ERCC6: variants seen among roughly 807,000 people sequenced by gnomAD.
ERCC6 encodes the protein ERCC excision repair 6, chromatin remodeling factor, also known as DNA excision repair protein ERCC-6.
Under a neutral mutation model 158.7 loss-of-function variants are expected in ERCC6, and 116 were observed. That is an observed-to-expected ratio of 0.73 (90% CI 0.63 to 0.85). The LOEUF is 0.85. Ranked by LOEUF, ERCC6 falls within the 40% of genes least tolerant of loss-of-function variation. The pLI is 0.00. For missense variants in ERCC6, 1,698 were observed against 1,799.4 expected, an observed-to-expected ratio of 0.94 and a Z score of 1.02; for synonymous variants, 678 against 659.3, an observed-to-expected ratio of 1.03 and a Z score of -0.43.
intron 1 of ERCC6, among the ~76,000 whole-genome samples, chr10:49,536,742 T>A (rs748393292): frequency 5.9e-5 from 9 of 151,908 alleles, no homozygotes; most frequent in Non-Finnish European, 1.3e-4. Flanking sequence ...GGCTGAACAA[T>A]CTCCTCCTTC....
At chr10:49,500,717 A>G (rs1851342385) in intron 6 of ERCC6, 21 bp from the exon 7 acceptor site, 1 of 1,612,656 alleles carries the variant, frequency 6.2e-7, no homozygotes, top group East Asian at 2.2e-5. Context: ...AAACACCAAC[A>G]AGAAAAGAGA....
the ERCC6 span, among the ~76,000 whole-genome samples, chr10:49,436,690 G>A: frequency 6.6e-6 from 1 of 152,190 alleles, no homozygotes; most frequent in Non-Finnish European, 1.5e-5. Flanking sequence ...TACTTAAAGT[G>A]TAATAGTTGG....
rs765594141 is a variant in ERCC6, at chr10:49,474,223, G to A, written c.2402C>T (p.Ala801Val). ...AGGGTGGTTGCAAATTTTTCTTAGG[G>A]CTATAAGTCCGGAGAAAATCTGTGG... is the stretch of plus-strand genomic sequence containing the variant. ...GEMQIFSGLI[A>V]LRKICNHPDL... Residue 801 changes from alanine (A) to valine (V), a missense_variant, in exon 13 of 21, where the codon GCC (alanine) becomes GTC (valine). Physicochemically the swap from Ala to Val is moderately conservative, Grantham distance 64. Transcript: ENST00000355832. 20 of 1,613,804 alleles carry A rather than the reference G, an allele frequency of 1.2e-5. No individual in the cohort carries two copies. In the African/African-American group the frequency reaches 2.0e-4, roughly 16 times the overall value.
At position 49,517,213 on chromosome 10, in the gene ERCC6, TAATGC is replaced by T. The variant is rs796250214; in HGVS notation, c.1397+6815_1397+6819del. The stretch of plus-strand genomic sequence containing the variant: ...ACATGAAAAATGTCAAACCCATAAC[TAATGC>T]AATAATAATACTTTCTGTATTTTCT... On this transcript the variant is annotated intron_variant, in intron 5 of 20. Transcript: ENST00000355832. The T allele has an allele frequency of 5.2e-5, 76 of 1,463,514 alleles. No homozygotes were observed. The African/African-American group carries it at 7.9e-4, about 15-fold the overall frequency. The allele number at this position is 1,463,514 out of a possible 1,614,324, so 90.7% of individuals were successfully genotyped here.
intron 2 of ERCC6, among the ~76,000 whole-genome samples, 195 bp from the exon 3 acceptor site, chr10:49,531,035 G>T (rs41563016): frequency 6.6e-6 from 1 of 152,194 alleles, no homozygotes; most frequent in African/African-American, 2.4e-5. Flanking sequence ...ATGACTGCTA[G>T]TGTTTTCTTT....
chr10:49,470,093 C>T (rs1564728842), intron 18 of ERCC6, 89 bp downstream of exon 18: 7 of 1,134,776 alleles, frequency 6.2e-6, no homozygotes, highest in South Asian at 1.2e-5. Flanking sequence ...GCCCTCTATG[C>T]ACCATCAGTT....
At chr10:49,528,848 G>C (rs1194089421) in intron 3 of ERCC6, among the ~76,000 whole-genome samples, 2 of 152,048 alleles carry the variant, frequency 1.3e-5, no homozygotes, top group East Asian at 3.8e-4. Flanking sequence ...TGTTCTACTT[G>C]GTTTCCCCCT....
chr10:49,483,281 A>T, intron 9 of ERCC6, 65 bp downstream of exon 9: 1 of 1,491,822 alleles, frequency 6.7e-7, no homozygotes, highest in East Asian at 2.3e-5. Context: ...CTAAAAGCAG[A>T]TAGTTTATTC....
chr10:49,518,567 G>A (rs1322223750), intron 5 of ERCC6, among the ~76,000 whole-genome samples: 2 of 152,092 alleles, frequency 1.3e-5, no homozygotes, highest in Non-Finnish European at 2.9e-5. Context: ...TCCCGCCCCT[G>A]CCCCCACCTC....
intron 8 of ERCC6, among the ~76,000 whole-genome samples, chr10:49,485,304 C>T (rs7076173): frequency 0.89 from 134,872 of 152,208 alleles, 59,804 homozygotes; most frequent in East Asian, 1. Context: ...AGAATTCGAA[C>T]GGAGAAAGGC....
chr10:49,487,224 T>C (rs1851092570), intron 8 of ERCC6, among the ~76,000 whole-genome samples: 1 of 152,236 alleles, frequency 6.6e-6, no homozygotes, highest in African/African-American at 2.4e-5. Flanking sequence ...TTGTAATTCA[T>C]GTAACATTCA....
chr10:49,437,051 G>C, the ERCC6 span, among the ~76,000 whole-genome samples: 1 of 152,220 alleles, frequency 6.6e-6, no homozygotes, highest in East Asian at 1.9e-4. Flanking sequence ...TTGAATCATG[G>C]GGGGTGGTTT....
intron 5 of ERCC6, among the ~76,000 whole-genome samples, chr10:49,522,828 C>T (rs565792494): frequency 2.0e-5 from 3 of 152,272 alleles, no homozygotes; most frequent in Non-Finnish European, 4.4e-5. Context: ...TGCACAGAAA[C>T]GAAAGCTGTG....
At chr10:49,468,616 C>T (rs908168451) in intron 18 of ERCC6, among the ~76,000 whole-genome samples, 1 of 152,142 alleles carries the variant, frequency 6.6e-6, no homozygotes, top group Non-Finnish European at 1.5e-5. Context: ...CATATATATG[C>T]ACGTATGTAT....
At chr10:49,439,411 G>A in the ERCC6 span, among the ~76,000 whole-genome samples, 1 of 152,230 alleles carries the variant, frequency 6.6e-6, no homozygotes, top group Non-Finnish European at 1.5e-5. Context: ...CACAGCTGGA[G>A]CAGCTGGGAT....
the ERCC6 span, among the ~76,000 whole-genome samples, chr10:49,447,293 ATCAGCAGCCTTTAGTAC>A: frequency 1.3e-5 from 2 of 152,232 alleles, no homozygotes; most frequent in African/African-American, 4.8e-5. Context: ...AAGTGTACAA[ATCAGCAGCCTTTAGTAC>A]ATTCACAATG....
chr10:49,532,770 A>G lies in ERCC6; in HGVS notation c.195T>C (p.Ala65=). ...GCAGCAGGGCTGGCCCTCTCCTCGG[A>G]GCTGCTGATGCGCACCCCACAGCAG... ...STSAVGCASA[A]PRRGPALLHI... is the part of the protein sequence containing the mutation. The change falls in exon 2 of 21, where the codon GCT becomes GCC. Residue 65 remains alanine (A), a synonymous_variant. Transcript: ENST00000355832. 1 of 1,614,192 alleles carries G rather than the reference A, an allele frequency of 6.2e-7. No individual in the cohort carries two copies.
chr10:49,453,449 ACCT>A (rs1850442742), downstream of ERCC6, among the ~76,000 whole-genome samples: 1 of 152,052 alleles, frequency 6.6e-6, no homozygotes, highest in Non-Finnish European at 1.5e-5. Flanking sequence ...GCTCCCAGCC[ACCT>A]CCTTTGTGCT....
Position 49,505,950 on chromosome 10 carries a change from T to C in ERCC6, c.1460A>G (p.Glu487Gly). 1 of 1,613,562 alleles carries C rather than the reference T, an allele frequency of 6.2e-7. No homozygotes were observed. Among genetic ancestry groups the C allele is most frequent in the Non-Finnish European group, 8.5e-7 (1 of 1,179,632 alleles). The change falls in exon 6 of 21, where the codon GAG becomes GGG. Residue 487 changes from glutamate to glycine, a missense_variant. By Grantham distance (98) the Glu-to-Gly change is moderately conservative. Transcript: ENST00000355832. ...EKRLKLEDDS[E>G]ESDAEFDEGF... ...TTCGTCAAATTCAGCATCACTTTCC[T>C]CAGAATCGTCCTCCAGCTTCAGACG...
Sources: gnomAD v4.1 joint callset for allele counts (sites outside exome capture counted in the v4.1 genomes callset) on GRCh38, gnomAD v4.1.1 for gene constraint, MANE v1.5 for transcripts, NCBI Gene and HGNC (gene_info 2026-07-23, HGNC 2026-07-21) for gene names.